Variants in ITPR1 observed in about 807,000 individuals in gnomAD.
ITPR1 encodes inositol 1,4,5-trisphosphate-gated calcium channel ITPR1.
A neutral mutation model predicts 318.4 loss-of-function variants in ITPR1; 96 were observed. The ratio of observed to expected loss-of-function variants is 0.30; its 90% CI spans 0.26 to 0.36. The LOEUF (loss-of-function observed/expected upper bound fraction) is 0.36, where lower values mean the gene tolerates loss of function less well. Among genes scored for constraint, ITPR1 ranks in the 10% least tolerant of loss-of-function variants. The probability of loss-of-function intolerance (pLI) is 1.00; values close to 1 mark genes in which losing one functional copy is unlikely to be tolerated. For synonymous variants in ITPR1, 1,312 were observed against 1,289.9 expected, an observed-to-expected ratio of 1.02 and a Z score of -0.37; for missense variants, 2,440 against 3,460.2, an observed-to-expected ratio of 0.71 and a Z score of 7.40.
intron 44 of ITPR1, among the ~76,000 whole-genome samples, chr3:4,745,782 A>G (rs1026694029): frequency 3.3e-5 from 5 of 152,130 alleles, no homozygotes; most frequent in African/African-American, 1.2e-4. Flanking sequence ...TGTGTTAGCT[A>G]TAAGTTAGCA....
At chr3:4,782,530 G>C in intron 49 of ITPR1, 89 bp from the exon 50 acceptor site, 1 of 1,358,910 alleles carries the variant, frequency 7.4e-7, no homozygotes, top group South Asian at 1.6e-5. Flanking sequence ...TTCCCTGGGA[G>C]GGGAGACAGC....
intron 4 of ITPR1, among the ~76,000 whole-genome samples, chr3:4,532,344 T>G (rs186753078): frequency 6.6e-6 from 1 of 152,248 alleles, no homozygotes; most frequent in East Asian, 1.9e-4. Context: ...AGACCTGAGA[T>G]TCTACATTTC....
chr3:4,837,076 A>C, intron 61 of ITPR1, 141 bp downstream of exon 61: 1 of 621,684 alleles, frequency 1.6e-6, no homozygotes, highest in Non-Finnish European at 2.5e-6. Flanking sequence ...GGACAAACCC[A>C]CTCACTCCTC....
chr3:4,632,332 C>G (rs1183149539), intron 5 of ITPR1, among the ~76,000 whole-genome samples: 1 of 152,186 alleles, frequency 6.6e-6, no homozygotes, highest in Non-Finnish European at 1.5e-5. Context: ...ATCTCCAACT[C>G]TTTCCTCTCC....
intron 16 of ITPR1, among the ~76,000 whole-genome samples, chr3:4,663,428 G>A (rs566874438): frequency 6.6e-6 from 1 of 152,240 alleles, no homozygotes; most frequent in African/African-American, 2.4e-5. Flanking sequence ...AGAAATCAAT[G>A]GGATCATTGA....
intron 36 of ITPR1, among the ~76,000 whole-genome samples, chr3:4,704,789 G>A (rs1215555069): frequency 6.6e-6 from 1 of 151,804 alleles, no homozygotes; most frequent in Non-Finnish European, 1.5e-5. Flanking sequence ...ACTACCCAGA[G>A]TCCCCTCTGT....
intron 5 of ITPR1, among the ~76,000 whole-genome samples, chr3:4,636,015 C>G (rs1386085684): frequency 6.6e-6 from 1 of 152,070 alleles, no homozygotes; most frequent in Non-Finnish European, 1.5e-5. Flanking sequence ...CATTCGCCAC[C>G]ATGCCCAGCT....
chr3:4,505,774 T>C (rs2081353281), intron 2 of ITPR1, among the ~76,000 whole-genome samples: 1 of 152,232 alleles, frequency 6.6e-6, no homozygotes, highest in Non-Finnish European at 1.5e-5. Flanking sequence ...ACTCCTCACC[T>C]GGCTGTGCTT....
At chr3:4,654,928 C>T (rs1186255418) in intron 12 of ITPR1, among the ~76,000 whole-genome samples, 1 of 152,148 alleles carries the variant, frequency 6.6e-6, no homozygotes, top group Non-Finnish European at 1.5e-5. Context: ...CCCTTTTGTG[C>T]TCCTTACTGG....
At chr3:4,696,070 G>T (rs1386005961) in intron 33 of ITPR1, among the ~76,000 whole-genome samples, 2 of 152,116 alleles carry the variant, frequency 1.3e-5, no homozygotes, top group Non-Finnish European at 2.9e-5. Flanking sequence ...TCAATTTGAT[G>T]GTTGTATGAT....
chr3:4,834,462 G>A (rs1016034029), intron 60 of ITPR1, among the ~76,000 whole-genome samples: 43 of 152,018 alleles, frequency 2.8e-4, no homozygotes, highest in Admixed American at 2.0e-4. Context: ...CCAGGGCCTC[G>A]TGCTAAGTGA....
intron 42 of ITPR1, among the ~76,000 whole-genome samples, chr3:4,731,350 C>A (rs935080090): frequency 1.3e-5 from 2 of 152,198 alleles, no homozygotes; most frequent in African/African-American, 4.8e-5. Flanking sequence ...CTTTCTTCCC[C>A]ACCTGTGAGC....
rs749075418 is a variant in ITPR1, at chr3:4,670,905, G to A, written c.2183G>A (p.Arg728Gln). The A allele has an allele frequency of 3.3e-5, 52 of 1,593,780 alleles. No homozygotes were observed. In the South Asian group the frequency reaches 3.9e-4, roughly 12 times the overall value. Residue 728 changes from arginine (R) to glutamine (Q), a missense_variant, in exon 20 of 62, where the codon CGA becomes CAA. This residue lies in a region of ITPR1 where 478 missense variants were observed against 696.3 expected (regional missense o/e 0.69). Coordinates refer to ENST00000649015, the MANE Select transcript of ITPR1 (RefSeq NM_001378452.1). Reference protein sequence around the residue: ...QDAKEGQKEDRDVLSYYRYQL... With the variant: ...QDAKEGQKEDQDVLSYYRYQL... ...GCTAAAGAAGGGCAGAAGGAGGACC[G>A]AGACGTTCTCAGCTACTACAGGTGC...
intron 30 of ITPR1, among the ~76,000 whole-genome samples, chr3:4,687,637 C>T (rs775024664): frequency 1.3e-5 from 2 of 152,182 alleles, no homozygotes; most frequent in South Asian, 2.1e-4. Flanking sequence ...TCTGTTTTTA[C>T]TCTCTTAAAT....
intron 59 of ITPR1, 48 bp from the exon 60 acceptor site, chr3:4,818,034 T>TTTTTTG: frequency 6.6e-7 from 1 of 1,520,780 alleles, no homozygotes; most frequent in Admixed American, 2.1e-5. Flanking sequence ...TTTTTTTCTT[T>TTTTTTG]ACCAAGGCTG....
chr3:4,827,053 A>C (rs1262359743), intron 60 of ITPR1, among the ~76,000 whole-genome samples: 1 of 152,232 alleles, frequency 6.6e-6, no homozygotes, highest in African/African-American at 2.4e-5. Context: ...TCGTCCAACG[A>C]TGTATGAGTT....
chr3:4,763,331 T>A (rs527484987), intron 44 of ITPR1, among the ~76,000 whole-genome samples: 1 of 152,304 alleles, frequency 6.6e-6, no homozygotes, highest in Non-Finnish European at 1.5e-5. Flanking sequence ...AACCTGCACG[T>A]CCTGCATAGG....
intron 4 of ITPR1, among the ~76,000 whole-genome samples, chr3:4,622,613 G>A (rs1026623918): frequency 3.3e-5 from 5 of 151,816 alleles, no homozygotes; most frequent in Admixed American, 6.6e-5. Context: ...TAGTAGACAC[G>A]GGGTTTCACC....
intron 14 of ITPR1, among the ~76,000 whole-genome samples, chr3:4,661,383 C>T (rs1158993168): frequency 2.0e-5 from 3 of 152,122 alleles, no homozygotes; most frequent in Admixed American, 1.3e-4. Flanking sequence ...ATAATTTGGG[C>T]TGGGGAATGT....
Sources: allele counts gnomAD v4.1 joint callset (sites outside exome capture counted in the v4.1 genomes callset), GRCh38; gene constraint gnomAD v4.1.1; regional missense constraint gnomAD v4.1.1; transcripts MANE v1.5; gene names NCBI Gene and HGNC (gene_info 2026-07-23, HGNC 2026-07-21).